The following SAP30BP variants were observed in gnomAD, a reference collection of about 807,000 sequenced individuals.
SAP30BP encodes SAP30-binding protein.
SAP30BP carries 31 observed loss-of-function variants against 46.3 expected under a neutral mutation model. That is an observed-to-expected ratio of 0.67 (90% CI 0.50 to 0.90). The LOEUF (loss-of-function observed/expected upper bound fraction) is 0.90. Among genes scored for constraint, SAP30BP ranks in the 40% least tolerant of loss-of-function variants. The pLI is 0.00. For missense variants in SAP30BP, 312 were observed against 391.0 expected, an observed-to-expected ratio of 0.80 and a Z score of 1.70; for synonymous variants, 169 against 144.2, an observed-to-expected ratio of 1.17 and a Z score of -1.23.
chr17:75,677,801 C>T (rs9891992), intron 3 of SAP30BP, among the ~76,000 whole-genome samples: 2,281 of 141,656 alleles, frequency 0.016, 25 homozygotes, highest in Middle Eastern at 0.029. Context: ...CAGTTTGGTG[C>T]TGCCACCTCA....
intron 3 of SAP30BP, among the ~76,000 whole-genome samples, chr17:75,682,987 A>G (rs1009536334): frequency 1.3e-5 from 2 of 149,910 alleles, no homozygotes; most frequent in East Asian, 2.0e-4. Flanking sequence ...AAAGAATTGT[A>G]TGGTATAGGA....
chr17:75,674,177 T>A (rs1599098102), intron 3 of SAP30BP, among the ~76,000 whole-genome samples: 1 of 152,138 alleles, frequency 6.6e-6, no homozygotes, highest in African/African-American at 2.4e-5. Context: ...GATACTCTTA[T>A]CTTAGTCCTG....
At chr17:75,687,653 A>G (rs1316876668) in intron 3 of SAP30BP, among the ~76,000 whole-genome samples, 1 of 151,434 alleles carries the variant, frequency 6.6e-6, no homozygotes, top group African/African-American at 2.4e-5. Context: ...CAGAAAGATG[A>G]ACAAAGAATT....
At chr17:75,696,314 C>T (rs2060317122) in intron 4 of SAP30BP, among the ~76,000 whole-genome samples, 1 of 150,746 alleles carries the variant, frequency 6.6e-6, no homozygotes, top group South Asian at 2.1e-4. Context: ...GCGGGCAGAT[C>T]ACGAGGTTGG....
At chr17:75,686,664 G>A (rs553233157) in intron 3 of SAP30BP, among the ~76,000 whole-genome samples, 2 of 152,340 alleles carry the variant, frequency 1.3e-5, no homozygotes, top group Admixed American at 1.3e-4. Context: ...GATAAATTGA[G>A]TGTTTCCATT....
At chr17:75,683,470 C>T (rs1181551185) in intron 3 of SAP30BP, 3 of 152,160 alleles carry the variant, frequency 2.0e-5, no homozygotes, top group African/African-American at 7.2e-5. Flanking sequence ...CAGATTTTCA[C>T]ATCATTTCCC....
intron 3 of SAP30BP, chr17:75,692,267 T>A: frequency 1.0e-5 from 10 of 985,492 alleles, no homozygotes; most frequent in Non-Finnish European, 1.2e-5. Context: ...GCACCTTCCT[T>A]TTGGAGCCGT....
chr17:75,704,825 G>A lies in SAP30BP; in HGVS notation c.660+11G>A, dbSNP rs1386250452. ...AAGGAGCGAACAAAAGTAAGTGATGGCAGACCTCCTAGATGAAAAAGGCAC... is the reference window on the plus strand; with the variant it reads ...AAGGAGCGAACAAAAGTAAGTGATGACAGACCTCCTAGATGAAAAAGGCAC... On this transcript the variant is annotated intron_variant, in intron 9 of 10. Transcript: ENST00000584667. 2 of 1,609,048 alleles carry A rather than the reference G, an allele frequency of 1.2e-6. No homozygotes were observed. Among genetic ancestry groups the A allele is most frequent in the Admixed American group, 1.7e-5 (1 of 59,986 alleles).
intron 3 of SAP30BP, among the ~76,000 whole-genome samples, chr17:75,687,709 C>T (rs1162764977): frequency 6.6e-6 from 1 of 152,142 alleles, no homozygotes; most frequent in East Asian, 1.9e-4. Context: ...CCCCTCCCCA[C>T]CTTCTCCTGC....
intron 3 of SAP30BP, among the ~76,000 whole-genome samples, chr17:75,679,058 A>G (rs759796940): frequency 3.5e-5 from 5 of 142,048 alleles, no homozygotes; most frequent in Non-Finnish European, 7.5e-5. Context: ...CAGTGGCTCC[A>G]TCTCAGCTCA....
chr17:75,703,435 G>C, intron 7 of SAP30BP, 64 bp downstream of exon 7: 1 of 1,446,948 alleles, frequency 6.9e-7, no homozygotes, highest in Non-Finnish European at 9.6e-7. Context: ...TTGTTCCATG[G>C]GATTTGACCT....
chr17:75,702,896 A>G (rs192203179), intron 6 of SAP30BP: 2 of 306,654 alleles, frequency 6.5e-6, no homozygotes, highest in Admixed American at 9.2e-5. Context: ...TGGACTAGAC[A>G]ATTACTGTAG....
chr17:75,673,674 C>G (rs1372054695), intron 3 of SAP30BP, among the ~76,000 whole-genome samples: 1 of 152,060 alleles, frequency 6.6e-6, no homozygotes, highest in Admixed American at 6.6e-5. Flanking sequence ...TGGGAGATGA[C>G]AGGGCTTTGT....
chr17:75,677,661 G>T (rs1215626802), intron 3 of SAP30BP, among the ~76,000 whole-genome samples: 1 of 147,114 alleles, frequency 6.8e-6, no homozygotes, highest in Non-Finnish European at 1.5e-5. Flanking sequence ...GGTGAGGCAG[G>T]TCTCAAATTC....
intron 3 of SAP30BP, among the ~76,000 whole-genome samples, chr17:75,685,382 A>G (rs1474542163): frequency 2.6e-5 from 4 of 152,142 alleles, no homozygotes; most frequent in African/African-American, 4.8e-5. Context: ...GCTCATTTCT[A>G]TTCCTAACTT....
At chr17:75,677,854 A>G (rs1337309032) in intron 3 of SAP30BP, among the ~76,000 whole-genome samples, 1 of 151,476 alleles carries the variant, frequency 6.6e-6, no homozygotes, top group African/African-American at 2.4e-5. Flanking sequence ...TTGCTTGTGC[A>G]AAGGTCAACA....
intron 3 of SAP30BP, chr17:75,683,511 T>C (rs905183257): frequency 2.6e-5 from 4 of 152,178 alleles, no homozygotes; most frequent in African/African-American, 9.7e-5. Flanking sequence ...GCTATATAAG[T>C]TAAATCCAGA....
intron 4 of SAP30BP, among the ~76,000 whole-genome samples, chr17:75,694,428 G>A (rs140283266): frequency 1.7e-4 from 26 of 152,342 alleles, no homozygotes; most frequent in African/African-American, 6.3e-4. Flanking sequence ...CGGTAACGCT[G>A]AGCAGCCCAG....
chr17:75,687,074 T>G (rs1384943181), intron 3 of SAP30BP, among the ~76,000 whole-genome samples: 1 of 152,160 alleles, frequency 6.6e-6, no homozygotes, highest in Non-Finnish European at 1.5e-5. Flanking sequence ...AGCAGCTGTA[T>G]TGCCTGATGG....
Sources: gnomAD v4.1 joint callset for allele counts (sites outside exome capture counted in the v4.1 genomes callset) on GRCh38, gnomAD v4.1.1 for gene constraint, MANE v1.5 for transcripts, NCBI Gene and HGNC (gene_info 2026-07-23, HGNC 2026-07-21) for gene names.